The following MAML3 variants were observed in gnomAD, a reference collection of about 807,000 sequenced individuals.
The protein encoded by MAML3 is mastermind-like protein 3.
MAML3 carries 27 observed loss-of-function variants against 101.9 expected under a neutral mutation model. The ratio of observed to expected loss-of-function variants is 0.27; its 90% CI spans 0.20 to 0.37. MAML3 has a LOEUF of 0.37. Ranked by LOEUF, MAML3 falls within the 10% of genes least tolerant of loss-of-function variation. MAML3 has a pLI of 1.00. For missense variants in MAML3, 1,316 were observed against 1,444.9 expected, an observed-to-expected ratio of 0.91 and a Z score of 1.45; for synonymous variants, 501 against 555.9, an observed-to-expected ratio of 0.90 and a Z score of 1.39.
intron 2 of MAML3, among the ~76,000 whole-genome samples, chr4:139,803,562 G>C (rs1382103742): frequency 6.6e-6 from 1 of 152,166 alleles, no homozygotes; most frequent in East Asian, 1.9e-4. Flanking sequence ...AATTAGCACA[G>C]GGAGCCTGGC....
At chr4:139,790,400 A>G (rs1475346471) in intron 2 of MAML3, among the ~76,000 whole-genome samples, 11 of 151,576 alleles carry the variant, frequency 7.3e-5, no homozygotes, top group Admixed American at 7.2e-4. Flanking sequence ...GAAAACATAC[A>G]TAACATAGGT....
At chr4:139,817,698 T>C (rs1730913407) in intron 2 of MAML3, among the ~76,000 whole-genome samples, 1 of 152,180 alleles carries the variant, frequency 6.6e-6, no homozygotes. Context: ...AATGATCCTA[T>C]CACACTCCTC....
At chr4:139,968,320 A>G (rs563623149) in intron 1 of MAML3, among the ~76,000 whole-genome samples, 75 of 151,790 alleles carry the variant, frequency 4.9e-4, no homozygotes, top group Middle Eastern at 3.4e-3. Flanking sequence ...AAAAAAAAAA[A>G]AAAAAAGAAA....
At chr4:139,999,080 T>G (rs1734874920) in intron 1 of MAML3, among the ~76,000 whole-genome samples, 1 of 152,244 alleles carries the variant, frequency 6.6e-6, no homozygotes, top group East Asian at 1.9e-4. Flanking sequence ...TCGATGCATG[T>G]GCTCAGCCTC....
chr4:140,127,503 G>A (rs1349821201), intron 1 of MAML3, among the ~76,000 whole-genome samples: 1 of 152,222 alleles, frequency 6.6e-6, no homozygotes, highest in African/African-American at 2.4e-5. Flanking sequence ...TTCCACACGA[G>A]AGGTATAGAG....
chr4:140,079,143 C>T (rs1727825150), intron 1 of MAML3, among the ~76,000 whole-genome samples: 1 of 151,966 alleles, frequency 6.6e-6, no homozygotes, highest in Admixed American at 6.6e-5. Context: ...GACTCAGTTT[C>T]CAGAAAGGAA....
chr4:140,068,038 C>A (rs1428125002), intron 1 of MAML3, among the ~76,000 whole-genome samples: 4 of 152,104 alleles, frequency 2.6e-5, no homozygotes, highest in Non-Finnish European at 4.4e-5. Flanking sequence ...GCAATCTTAA[C>A]CTTTCTTAAT....
At chr4:140,044,761 C>T (rs758692246) in intron 1 of MAML3, among the ~76,000 whole-genome samples, 7 of 152,122 alleles carry the variant, frequency 4.6e-5, no homozygotes, top group African/African-American at 9.7e-5. Context: ...AACTGTCTCC[C>T]GATCCACAGG....
chr4:139,727,918 CG>C (rs975672045), intron 3 of MAML3, among the ~76,000 whole-genome samples: 20 of 151,516 alleles, frequency 1.3e-4, no homozygotes, highest in African/African-American at 4.6e-4. Context: ...ACTCTCAAAA[CG>C]AAAAACTGAG....
At chr4:139,730,708 A>G in intron 2 of MAML3, 41 bp from the exon 3 acceptor site, 1 of 1,555,660 alleles carries the variant, frequency 6.4e-7, no homozygotes, top group Non-Finnish European at 8.8e-7. Flanking sequence ...GATTCCCCAT[A>G]GAGACTCACT....
intron 1 of MAML3, among the ~76,000 whole-genome samples, chr4:140,035,851 G>C (rs1305928093): frequency 1.3e-5 from 2 of 151,876 alleles, no homozygotes; most frequent in East Asian, 3.9e-4. Context: ...TGCTCTACCT[G>C]AGGTTGAACG....
intron 2 of MAML3, among the ~76,000 whole-genome samples, chr4:139,814,128 G>A (rs1207496332): frequency 1.3e-5 from 2 of 152,122 alleles, no homozygotes; most frequent in African/African-American, 2.4e-5. Flanking sequence ...GCGTATCTGA[G>A]AGGCAGAAAG....
At chr4:139,947,010 A>C (rs1203037271) in intron 1 of MAML3, among the ~76,000 whole-genome samples, 2 of 152,042 alleles carry the variant, frequency 1.3e-5, no homozygotes, top group Non-Finnish European at 2.9e-5. Flanking sequence ...GACAGTAAAA[A>C]CACAAAGTTT....
chr4:139,926,595 G>A (rs1398088964), intron 1 of MAML3, among the ~76,000 whole-genome samples: 2 of 152,084 alleles, frequency 1.3e-5, no homozygotes, highest in African/African-American at 2.4e-5. Context: ...GCGAGACTCC[G>A]TCTCAAAACA....
chr4:139,863,831 GGTTTTTT>G (rs1174551207), intron 2 of MAML3, among the ~76,000 whole-genome samples: 12 of 50,766 alleles, frequency 2.4e-4, no homozygotes, highest in African/African-American at 9.8e-4. Context: ...CCAGAACATG[GGTTTTTT>G]TTTTTTTTTT....
chr4:139,846,929 A>G lies in MAML3; in HGVS notation c.2079+42428T>C, dbSNP rs1251172757. Among the ~76,000 whole-genome samples the G allele has an allele frequency of 8.5e-5, 13 of 152,320 alleles. No homozygotes were observed. The East Asian group carries it at 2.5e-3, about 29-fold the overall frequency. Reference sequence around the variant, plus strand: ...AGCACAAAGGTGGGGAAAACCCCAAAAGTGTAATGAGACTGGAGGGATCTG... The same window carrying G: ...AGCACAAAGGTGGGGAAAACCCCAAGAGTGTAATGAGACTGGAGGGATCTG... On this transcript the variant is annotated intron_variant, in intron 2 of 4. Coordinates refer to ENST00000509479, the MANE Select transcript of MAML3 (RefSeq NM_018717.5).
Position 139,914,481 on chromosome 4 carries a change from G to A in MAML3, c.469-23514C>T, listed in dbSNP as rs148969905. Among the ~76,000 whole-genome samples the A allele has an allele frequency of 2.0e-4, 30 of 152,032 alleles. No individual in the cohort carries two copies. In the South Asian group the frequency reaches 4.8e-3, roughly 24 times the overall value. On this transcript the variant is annotated intron_variant, in intron 1 of 4. Coordinates refer to ENST00000509479, the MANE Select transcript of MAML3 (RefSeq NM_018717.5). ...GAACCTTGATTTTAATTCACAAAGCGCCATATTGTGGGGAGGAAAAAAAAA... is the reference window on the plus strand; with the variant it reads ...GAACCTTGATTTTAATTCACAAAGCACCATATTGTGGGGAGGAAAAAAAAA...
chr4:139,997,087 ATAAATTTTTTT>A (rs1734832064), intron 1 of MAML3, among the ~76,000 whole-genome samples: 1 of 143,412 alleles, frequency 7.0e-6, no homozygotes, highest in Non-Finnish European at 1.6e-5. Flanking sequence ...ATAAAATAAA[ATAAATTTTTTT>A]GAGACTCTGT....
At chr4:139,803,676 G>T (rs1193786125) in intron 2 of MAML3, among the ~76,000 whole-genome samples, 1 of 152,142 alleles carries the variant, frequency 6.6e-6, no homozygotes. Context: ...TTCTCCCAGA[G>T]TCATGATGAA....
Sources: allele counts gnomAD v4.1 joint callset (sites outside exome capture counted in the v4.1 genomes callset), GRCh38; gene constraint gnomAD v4.1.1; transcripts MANE v1.5; gene names NCBI Gene and HGNC (gene_info 2026-07-23, HGNC 2026-07-21).